Variants in CPS1 observed in about 807,000 individuals in gnomAD.
CPS1 encodes the protein carbamoyl-phosphate synthase 1, also known as carbamoyl-phosphate synthase [ammonia], mitochondrial.
In CPS1, 109 loss-of-function variants were observed where a neutral mutation model predicts 174.6. The ratio of observed to expected loss-of-function variants is 0.62; its 90% CI spans 0.53 to 0.73. CPS1 has a LOEUF of 0.73. Ranked by LOEUF, CPS1 falls within the 30% of genes least tolerant of loss-of-function variation. The pLI, the probability that CPS1 is intolerant of heterozygous loss-of-function variation, is 0.00. For missense variants in CPS1, 1,689 were observed against 1,821.9 expected (o/e 0.93, Z 1.33); for synonymous variants, 637 against 632.0 (o/e 1.01, Z -0.12).
At chr2:210,605,299 A>G (rs927544336) in intron 17 of CPS1, 53 bp downstream of exon 17, 3 of 1,594,076 alleles carry the variant, frequency 1.9e-6, no homozygotes, top group Admixed American at 3.3e-5. Context: ...CATGTCTTTG[A>G]TGGCCAAGGC....
intron 34 of CPS1, chr2:210,674,609 G>C (rs1345998243): frequency 4.8e-6 from 2 of 412,724 alleles, no homozygotes; most frequent in Admixed American, 7.2e-5. Context: ...TTGTAGAACC[G>C]AAGTGGATCT....
At chr2:210,647,791 C>A in intron 25 of CPS1, 72 bp from the exon 26 acceptor site, 1 of 1,493,844 alleles carries the variant, frequency 6.7e-7, no homozygotes, top group Non-Finnish European at 9.3e-7. Flanking sequence ...AGGAAATAGA[C>A]ACAATATTAG....
chr2:210,572,533 A>G (rs1172864976), intron 1 of CPS1, among the ~76,000 whole-genome samples: 2 of 152,036 alleles, frequency 1.3e-5, no homozygotes, highest in African/African-American at 2.4e-5. Context: ...TGCTTCTTAA[A>G]TGTTTTTCCA....
intron 21 of CPS1, 75 bp from the exon 22 acceptor site, chr2:210,637,627 C>A: frequency 6.7e-7 from 1 of 1,497,492 alleles, no homozygotes; most frequent in Non-Finnish European, 9.3e-7. Flanking sequence ...CCTTGGTGTT[C>A]TTGAAATTGA....
intron 3 of CPS1, chr2:210,577,146 T>C (rs1697739187): frequency 2.2e-6 from 1 of 461,568 alleles, no homozygotes. Flanking sequence ...ATTAATTAAA[T>C]TCTTGATAAA....
chr2:210,654,595 G>A (rs1331261959), intron 29 of CPS1, among the ~76,000 whole-genome samples: 3 of 152,226 alleles, frequency 2.0e-5, no homozygotes, highest in African/African-American at 4.8e-5. Context: ...ATCACATCTT[G>A]TATTTCTAAT....
intron 12 of CPS1, 22 bp from the exon 13 acceptor site, chr2:210,595,465 G>A (rs967241928): frequency 1.3e-6 from 2 of 1,522,428 alleles, no homozygotes; most frequent in Non-Finnish European, 1.8e-6. Flanking sequence ...TAATAACAGT[G>A]TCTTTTTCTT....
chr2:210,551,553 G>C (rs1696731412), intron 1 of CPS1, among the ~76,000 whole-genome samples: 1 of 151,732 alleles, frequency 6.6e-6, no homozygotes, highest in Non-Finnish European at 1.5e-5. Context: ...TTTGCAAATG[G>C]GGTCTTATGA....
At chr2:210,648,962 G>T (rs1273409172) in intron 27 of CPS1, among the ~76,000 whole-genome samples, 1 of 152,184 alleles carries the variant, frequency 6.6e-6, no homozygotes, top group Non-Finnish European at 1.5e-5. Context: ...TTTGAGATCC[G>T]ATTGTTTAAT....
chr2:210,642,141 C>T (rs1311782929), intron 24 of CPS1, among the ~76,000 whole-genome samples: 1 of 152,168 alleles, frequency 6.6e-6, no homozygotes, highest in African/African-American at 2.4e-5. Flanking sequence ...TCAATATATT[C>T]ACTTTGAATT....
chr2:210,539,036 A>C (rs1481908210), intron 1 of CPS1, among the ~76,000 whole-genome samples: 1 of 152,190 alleles, frequency 6.6e-6, no homozygotes, highest in Non-Finnish European at 1.5e-5. Flanking sequence ...ATTGTTGTAT[A>C]AATTGCTTTC....
intron 24 of CPS1, 100 bp from the exon 25 acceptor site, chr2:210,642,384 C>A (rs1574632176): frequency 7.2e-7 from 1 of 1,389,118 alleles, no homozygotes; most frequent in Non-Finnish European, 1.0e-6. Flanking sequence ...AAATCATTAG[C>A]TTCCTTAGCC....
At position 210,598,368 on chromosome 2, in the gene CPS1, C is replaced by G. The variant is rs548455819; in HGVS notation, c.1360-1004C>G. On this transcript the variant is annotated intron_variant, in intron 13 of 37. Coordinates refer to ENST00000233072, the MANE Select transcript of CPS1 (RefSeq NM_001875.5). ...GATCAAATCCACATATCAATACTAA[C>G]CTTGAATATAAACAGGCTAAATGTC... Among the ~76,000 whole-genome samples the G allele has an allele frequency of 4.0e-5, 6 of 151,776 alleles. No individual in the cohort carries two copies. The Admixed American group carries it at 4.0e-4, about 10-fold the overall frequency.
At chr2:210,666,810 G>A (rs1289667573) in intron 33 of CPS1, among the ~76,000 whole-genome samples, 1 of 152,134 alleles carries the variant, frequency 6.6e-6, no homozygotes, top group Non-Finnish European at 1.5e-5. Context: ...GGCAATGCGG[G>A]CTCTTTTTTG....
At chr2:210,491,347 G>A (rs112314380) in intron 1 of CPS1, among the ~76,000 whole-genome samples, 24,733 of 93,652 alleles carry the variant, frequency 0.26, 3,057 homozygotes, top group Middle Eastern at 0.49. Context: ...TTGAGACGGA[G>A]TCTTGTTCTG....
At chr2:210,482,306 C>T (rs951866746) in intron 1 of CPS1, among the ~76,000 whole-genome samples, 3 of 144,522 alleles carry the variant, frequency 2.1e-5, no homozygotes, top group Admixed American at 7.0e-5. Context: ...CGTTGAATCC[C>T]TTTTTTTTTT....
At chr2:210,554,325 A>G (rs1696833662), upstream of CPS1, among the ~76,000 whole-genome samples, 4 of 150,966 alleles carry the variant, frequency 2.6e-5, no homozygotes, top group South Asian at 8.3e-4. Flanking sequence ...GGGACCCTTT[A>G]CTGATAAAAA....
chr2:210,626,189 C>CAGAT (rs1039794583), intron 21 of CPS1, among the ~76,000 whole-genome samples: 1 of 152,104 alleles, frequency 6.6e-6, no homozygotes, highest in Non-Finnish European at 1.5e-5. Flanking sequence ...ATTTCTGAAA[C>CAGAT]AGATACAAAT....
At chr2:210,639,119 ATTTG>A (rs764331120) in intron 22 of CPS1, 27 bp from the exon 23 acceptor site, 3 of 1,562,284 alleles carry the variant, frequency 1.9e-6, no homozygotes, top group East Asian at 2.3e-5. Context: ...TAACATTCTT[ATTTG>A]TTTATTTTAT....
Sources: allele counts gnomAD v4.1 joint callset (sites outside exome capture counted in the v4.1 genomes callset), GRCh38; gene constraint gnomAD v4.1.1; transcripts MANE v1.5; gene names NCBI Gene and HGNC (gene_info 2026-07-23, HGNC 2026-07-21).